The following ZNF451 variants were observed in gnomAD, a reference collection of about 807,000 sequenced individuals.
ZNF451 encodes the protein E3 SUMO-protein ligase ZNF451.
A neutral mutation model predicts 107.1 loss-of-function variants in ZNF451; 80 were observed. The observed-to-expected ratio is 0.75, with a 90% CI of 0.62 to 0.90. The LOEUF (loss-of-function observed/expected upper bound fraction) is 0.90. ZNF451 is among the 40% of genes least tolerant of loss of function. The pLI, the probability that ZNF451 is intolerant of heterozygous loss-of-function variation, is 0.00. For synonymous variants in ZNF451, 362 were observed against 406.5 expected, an observed-to-expected ratio of 0.89 and a Z score of 1.32; for missense variants, 1,107 against 1,236.2, an observed-to-expected ratio of 0.90 and a Z score of 1.57.
In ZNF451 at chr6:57,133,352, T is replaced by A. The variant is rs927238010; in HGVS notation, c.575+160T>A. On this transcript the variant is annotated intron_variant, in intron 6 of 14. Coordinates refer to ENST00000370706, the MANE Select transcript of ZNF451 (RefSeq NM_001031623.3). ...CATTATGATATAATTTTTTCATAATTGATGAAGTCAGATTTTTCTAGTGGG... is the reference window on the plus strand; with the variant it reads ...CATTATGATATAATTTTTTCATAATAGATGAAGTCAGATTTTTCTAGTGGG... Among the ~76,000 whole-genome samples, 3 of 152,228 alleles carry A rather than the reference T, an allele frequency of 2.0e-5. No homozygotes were observed. The South Asian group carries it at 6.2e-4, about 32-fold the overall frequency.
intron 3 of ZNF451, among the ~76,000 whole-genome samples, chr6:57,111,742 G>A (rs1194498046): frequency 6.6e-6 from 1 of 152,132 alleles, no homozygotes; most frequent in Non-Finnish European, 1.5e-5. Context: ...TACTGAAGGA[G>A]GATGTAAGTC....
chr6:57,094,368 G>T (rs1264446674), intron 2 of ZNF451, among the ~76,000 whole-genome samples: 1 of 151,874 alleles, frequency 6.6e-6, no homozygotes, highest in Non-Finnish European at 1.5e-5. Flanking sequence ...GAGTGCAGTG[G>T]TATGATCATA....
In ZNF451 at chr6:57,150,867, G is replaced by C; in HGVS notation, c.2752+5G>C. On this transcript the variant is annotated splice_donor_5th_base_variant and intron_variant, in intron 11 of 14. Transcript: ENST00000370706. The stretch of plus-strand genomic sequence containing the variant: ...CATTTATTTGGGGCTTTCAAGGTAC[G>C]GTTAATAAGAAAAACAAAAGAAAAC... 1.2e-6 allele frequency: 2 copies of C among 1,612,854 alleles called. No individual in the cohort carries two copies. Among genetic ancestry groups the C allele is most frequent in the Non-Finnish European group, 1.7e-6 (2 of 1,179,688 alleles).
At chr6:57,102,553 C>G (rs543288201) in intron 3 of ZNF451, 1 of 987,736 alleles carries the variant, frequency 1.0e-6, no homozygotes, top group South Asian at 4.7e-5. Flanking sequence ...CTTCCTTGTT[C>G]AGGCTTCAGT....
chr6:57,111,837 G>A (rs552316450), intron 3 of ZNF451, among the ~76,000 whole-genome samples: 6 of 152,286 alleles, frequency 3.9e-5, no homozygotes, highest in Admixed American at 2.6e-4. Context: ...AACAGGTTTG[G>A]TGGGACTAGC....
chr6:57,131,470 AAC>A lies in ZNF451; in HGVS notation c.425-1570_425-1569del, dbSNP rs561155286. On this transcript the variant is annotated intron_variant, in intron 5 of 14. Transcript: ENST00000370706. ...ATCTGGAATGTGGGTGGACAATTAT[AAC>A]AGTTTTCATAATTCTTACTACATTA... Among the ~76,000 whole-genome samples the A allele has an allele frequency of 5.9e-5, 9 of 152,286 alleles. No homozygotes were observed. The South Asian group carries it at 1.7e-3, about 28-fold the overall frequency.
chr6:57,112,165 T>A (rs1830146751), intron 3 of ZNF451, among the ~76,000 whole-genome samples: 1 of 152,204 alleles, frequency 6.6e-6, no homozygotes, highest in Non-Finnish European at 1.5e-5. Context: ...GTTATATAAG[T>A]TGAGTAGAAG....
At chr6:57,128,933 T>G in intron 5 of ZNF451, 93 bp downstream of exon 5, 2 of 843,574 alleles carry the variant, frequency 2.4e-6, no homozygotes, top group Non-Finnish European at 3.6e-6. Context: ...AATAAGCATA[T>G]AAGATATTAA....
At chr6:57,139,153 C>T (rs1014998310) in intron 7 of ZNF451, among the ~76,000 whole-genome samples, 6 of 152,096 alleles carry the variant, frequency 3.9e-5, no homozygotes, top group African/African-American at 1.4e-4. Flanking sequence ...ATGTCCTCCT[C>T]GGTGTTATTT....
Position 57,141,416 on chromosome 6 carries a change from T to G in ZNF451, c.817T>G (p.Ser273Ala). The stretch of plus-strand genomic sequence containing the variant: ...AAAGGAGGAGTGTTCAAAGCATATG[T>G]CTGGAAAGAATCATTTCCATCAGAG... ...SRKEECSKHM[S>A]GKNHFHQSFK... Residue 273 changes from serine (S) to alanine (A), a missense_variant, in exon 8 of 15, where the codon TCT becomes GCT. By Grantham distance (99) the Ser-to-Ala change is moderately conservative. Transcript: ENST00000370706. 1 of 1,613,080 alleles carries G rather than the reference T, an allele frequency of 6.2e-7. No individual in the cohort carries two copies. Among genetic ancestry groups the G allele is most frequent in the Non-Finnish European group, 8.5e-7 (1 of 1,179,460 alleles).
chr6:57,096,332 C>T (rs1829310952), intron 2 of ZNF451, among the ~76,000 whole-genome samples: 1 of 151,094 alleles, frequency 6.6e-6, no homozygotes, highest in Non-Finnish European at 1.5e-5. Flanking sequence ...TTAGAGGCGC[C>T]CACCACCATG....
At chr6:57,158,840 A>G in intron 13 of ZNF451, 2 of 985,414 alleles carry the variant, frequency 2.0e-6, no homozygotes, top group African/African-American at 1.7e-5. Flanking sequence ...TTGTGGCTTC[A>G]TTGTGGATGA....
intron 3 of ZNF451, chr6:57,104,742 T>G (rs897542729): frequency 5.1e-6 from 5 of 985,324 alleles, no homozygotes; most frequent in Non-Finnish European, 4.8e-6. Context: ...CTGTTCTCTT[T>G]TCCTCCTGTG....
At chr6:57,105,020 C>A (rs1282204260) in intron 3 of ZNF451, 1 of 982,910 alleles carries the variant, frequency 1.0e-6, no homozygotes, top group Non-Finnish European at 1.2e-6. Flanking sequence ...ATTTTAAAAT[C>A]TCTGGCATAC....
intron 14 of ZNF451, among the ~76,000 whole-genome samples, chr6:57,161,442 CA>C (rs1464980640): frequency 6.6e-6 from 1 of 152,106 alleles, no homozygotes; most frequent in Non-Finnish European, 1.5e-5. Context: ...TTTTGTACCA[CA>C]ACTGCAAGGT....
At position 57,152,290 on chromosome 6, in the gene ZNF451, T is replaced by G. The variant is rs751092108; in HGVS notation, c.2822T>G (p.Phe941Cys). ...IYNYLNRIGC[F>C]FLHPRCSKRK... ...AACTACCTGAACAGGATTGGATGCT[T>G]CTTCCTTCATCCTCGCTGTAGTAAA... is the stretch of plus-strand genomic sequence containing the variant. The change falls in exon 12 of 15, where the codon TTC becomes TGC. Residue 941 changes from phenylalanine (F) to cysteine (C), a missense_variant. This residue lies in a region of ZNF451 where 151 missense variants were observed against 173.3 expected (regional missense o/e 0.87). Transcript: ENST00000370706. 1 of 1,614,084 alleles carries G rather than the reference T, an allele frequency of 6.2e-7. No individual in the cohort carries two copies.
intron 2 of ZNF451, chr6:57,093,188 G>A (rs1829132491): frequency 6.6e-6 from 1 of 152,170 alleles, no homozygotes; most frequent in Non-Finnish European, 1.5e-5. Context: ...AGTTCACAGT[G>A]CTGTTCTAGA....
rs773088220 is a variant in ZNF451 at position 57,141,433 on chromosome 6, C to T, written c.834C>T (p.Phe278=). Reference sequence around the variant, plus strand: ...AGCATATGTCTGGAAAGAATCATTTCCATCAGAGTTTCAAACTGGGTGGTA... The same window carrying T: ...AGCATATGTCTGGAAAGAATCATTTTCATCAGAGTTTCAAACTGGGTGGTA... The part of the protein sequence containing the change: ...CSKHMSGKNH[F]HQSFKLGDNK... The change falls in exon 8 of 15, where the codon TTC becomes TTT. Residue 278 remains phenylalanine, a synonymous_variant. Transcript: ENST00000370706. 1 of 1,611,624 alleles carries T rather than the reference C, an allele frequency of 6.2e-7. No individual in the cohort carries two copies. The highest frequency in any genetic ancestry group is 8.5e-7 in the Non-Finnish European group (1 of 1,178,734).
At chr6:57,161,856 C>G (rs559944503) in intron 14 of ZNF451, among the ~76,000 whole-genome samples, 1 of 151,940 alleles carries the variant, frequency 6.6e-6, no homozygotes, top group South Asian at 2.1e-4. Flanking sequence ...CACTAACACG[C>G]CCAGCTAAAA....
Sources: allele counts gnomAD v4.1 joint callset (sites outside exome capture counted in the v4.1 genomes callset), GRCh38; gene constraint gnomAD v4.1.1; regional missense constraint gnomAD v4.1.1; transcripts MANE v1.5; gene names NCBI Gene and HGNC (gene_info 2026-07-23, HGNC 2026-07-21).